ZFHX3: variants seen among roughly 807,000 people sequenced by gnomAD.
ZFHX3 encodes zinc finger homeobox protein 3.
ZFHX3 carries 42 observed loss-of-function variants against 279.1 expected under a neutral mutation model. That is an observed-to-expected ratio of 0.15 (90% CI 0.12 to 0.19). The LOEUF is 0.19. Among genes scored for constraint, ZFHX3 ranks in the 10% least tolerant of loss-of-function variants. The probability of loss-of-function intolerance (pLI) is 1.00; values close to 1 mark genes in which losing one functional copy is unlikely to be tolerated. For synonymous variants in ZFHX3, 2,293 were observed against 1,957.8 expected (o/e 1.17, Z -4.52); for missense variants, 4,981 against 4,754.0 (o/e 1.05, Z -1.40).
intron 1 of ZFHX3, among the ~76,000 whole-genome samples, chr16:73,715,295 T>A (rs1392390270): frequency 1.3e-5 from 2 of 152,130 alleles, no homozygotes; most frequent in African/African-American, 4.8e-5. Context: ...AGCATCCAAA[T>A]GAAATCAAGC....
At chr16:73,613,963 A>G (rs779620931) in intron 2 of ZFHX3, among the ~76,000 whole-genome samples, 3 of 152,206 alleles carry the variant, frequency 2.0e-5, no homozygotes, top group African/African-American at 7.2e-5. Context: ...GCAGTTTTCC[A>G]TTAGAACTTT....
chr16:73,634,976 AT>A (rs2052514796), intron 2 of ZFHX3, among the ~76,000 whole-genome samples: 1 of 152,216 alleles, frequency 6.6e-6, no homozygotes, highest in Admixed American at 6.5e-5. Context: ...TAGCAATAAT[AT>A]AATCCATCTG....
chr16:72,928,062 CGGGTTTAACCATTTA>C (rs1285332757), intron 3 of ZFHX3, among the ~76,000 whole-genome samples: 1 of 136,810 alleles, frequency 7.3e-6, no homozygotes, highest in Non-Finnish European at 1.6e-5. Context: ...GGCCAGGCAA[CGGGTTTAACCATTTA>C]GGGTGCTCAA....
chr16:73,846,322 CCTCT>C (rs1208493488), intron 1 of ZFHX3, among the ~76,000 whole-genome samples: 1 of 152,136 alleles, frequency 6.6e-6, no homozygotes, highest in African/African-American at 2.4e-5. Context: ...GAGCGTCTAT[CCTCT>C]CTGAGTATCT....
chr16:73,060,193 A>AG (rs1370521776), upstream of ZFHX3: 1 of 149,240 alleles, frequency 6.7e-6, no homozygotes, highest in Non-Finnish European at 1.5e-5. Flanking sequence ...GGGTGTAGAA[A>AG]GGGGAAATTA....
chr16:73,687,587 T>C (rs1567552086), intron 1 of ZFHX3, among the ~76,000 whole-genome samples: 1 of 152,088 alleles, frequency 6.6e-6, no homozygotes, highest in Non-Finnish European at 1.5e-5. Flanking sequence ...CTCACATCTG[T>C]AATCCCAGCA....
At chr16:73,010,012 C>T (rs1439569878) in intron 1 of ZFHX3, among the ~76,000 whole-genome samples, 3 of 122,228 alleles carry the variant, frequency 2.5e-5, no homozygotes, top group Non-Finnish European at 5.4e-5. Context: ...CAGAGCGAGA[C>T]TCCCTCTCAA....
At chr16:73,875,413 T>C (rs1356665826) in intron 1 of ZFHX3, among the ~76,000 whole-genome samples, 1 of 152,166 alleles carries the variant, frequency 6.6e-6, no homozygotes, top group Non-Finnish European at 1.5e-5. Flanking sequence ...TTATCAAGCA[T>C]AAAGGCATTA....
At chr16:73,352,360 G>A (rs954643371) in intron 3 of ZFHX3, among the ~76,000 whole-genome samples, 7 of 151,974 alleles carry the variant, frequency 4.6e-5, no homozygotes, top group Admixed American at 4.6e-4. Context: ...TCTGTGCCTG[G>A]ACTGCATTTC....
Position 73,085,097 on chromosome 16 carries a change from A to G in ZFHX3, c.-533+8138T>C, listed in dbSNP as rs146073101. 4.0e-3 allele frequency among the ~76,000 whole-genome samples: 608 copies of G among 152,324 alleles called. 6 individuals carry two copies. Among genetic ancestry groups the G allele is most frequent in the African/African-American group, 0.014 (580 of 41,562 alleles). On this transcript the variant is annotated intron_variant, in intron 8 of 17. Coordinates refer to the ZFHX3 transcript ENST00000641206. Reference sequence around the variant, plus strand: ...AAATAGCAAAGCAAACATGAACAACAAGAACAAAGCTGGAGGCACTGCACT... The same window carrying G: ...AAATAGCAAAGCAAACATGAACAACGAGAACAAAGCTGGAGGCACTGCACT...
chr16:73,505,358 C>T (rs561024152), intron 2 of ZFHX3, among the ~76,000 whole-genome samples: 2 of 152,178 alleles, frequency 1.3e-5, no homozygotes, highest in African/African-American at 2.4e-5. Flanking sequence ...AGAAGCAGGG[C>T]GTGAACAGTA....
chr16:73,642,150 T>C (rs955845266), intron 2 of ZFHX3, among the ~76,000 whole-genome samples: 1 of 152,206 alleles, frequency 6.6e-6, no homozygotes, highest in Admixed American at 6.5e-5. Flanking sequence ...TCCCAGTCTC[T>C]CGTGAAAGCA....
At chr16:73,246,454 C>T (rs566580151) in intron 5 of ZFHX3, among the ~76,000 whole-genome samples, 8 of 152,294 alleles carry the variant, frequency 5.3e-5, no homozygotes, top group East Asian at 1.9e-4. Flanking sequence ...AGGCTGACTG[C>T]GCTCCTAAAC....
chr16:73,238,470 C>A (rs1177223483), intron 5 of ZFHX3, among the ~76,000 whole-genome samples: 2 of 152,224 alleles, frequency 1.3e-5, no homozygotes, highest in Middle Eastern at 3.4e-3. Flanking sequence ...CAAATTCTCT[C>A]ATTTCTTTCC....
At chr16:73,020,758 C>T (rs1260704716) in intron 1 of ZFHX3, among the ~76,000 whole-genome samples, 1 of 152,182 alleles carries the variant, frequency 6.6e-6, no homozygotes, top group Admixed American at 6.5e-5. Context: ...CAGGGAGGCA[C>T]GGGCATGGTT....
chr16:73,429,498 G>A (rs2017872987), intron 3 of ZFHX3, among the ~76,000 whole-genome samples: 1 of 151,754 alleles, frequency 6.6e-6, no homozygotes, highest in Admixed American at 6.6e-5. Flanking sequence ...ATGCCCGGCT[G>A]ATTTTTGGAT....
At chr16:73,024,227 G>A (rs1202304214) in intron 1 of ZFHX3, among the ~76,000 whole-genome samples, 4 of 152,150 alleles carry the variant, frequency 2.6e-5, no homozygotes, top group African/African-American at 9.7e-5. Context: ...AAACGAAGAG[G>A]CAGGTGAGCA....
chr16:72,939,130 G>A (rs1207599083), intron 3 of ZFHX3, among the ~76,000 whole-genome samples: 2 of 152,134 alleles, frequency 1.3e-5, no homozygotes, highest in African/African-American at 4.8e-5. Context: ...CGGTAGAGGG[G>A]AAGTATAGAA....
rs528930181 is a variant in ZFHX3, at chr16:73,818,364, G to A, written c.-1608+73287C>T. Among the ~76,000 whole-genome samples the A allele has an allele frequency of 6.6e-5, 10 of 152,274 alleles. No homozygotes were observed. The South Asian group carries it at 1.9e-3, about 28-fold the overall frequency. ...TGGCAAGGTGATTTTCATCAGATTG[G>A]CTGACATTAACTCAGCCCCCACCCC... On this transcript the variant is annotated intron_variant, in intron 1 of 17. Coordinates refer to the ZFHX3 transcript ENST00000641206.
Sources: gnomAD v4.1 joint callset for allele counts (sites outside exome capture counted in the v4.1 genomes callset) on GRCh38, gnomAD v4.1.1 for gene constraint, MANE v1.5 for transcripts, NCBI Gene and HGNC (gene_info 2026-07-23, HGNC 2026-07-21) for gene names.